Variants in TBC1D19 observed in about 807,000 individuals in gnomAD.
The protein encoded by TBC1D19 is TBC1 domain family member 19.
A neutral mutation model predicts 89.0 loss-of-function variants in TBC1D19; 60 were observed. The observed-to-expected ratio is 0.67, with a 90% CI of 0.55 to 0.84. TBC1D19 has a LOEUF of 0.84. TBC1D19 is among the 40% of genes least tolerant of loss of function. The pLI is 0.00. For synonymous variants in TBC1D19, 189 were observed against 199.7 expected (o/e 0.95, Z 0.45); for missense variants, 500 against 610.8 (o/e 0.82, Z 1.91).
chr4:26,744,907 A>G lies in TBC1D19; in HGVS notation c.1319+2308A>G, dbSNP rs367910361. On this transcript the variant is annotated intron_variant, in intron 18 of 20. Coordinates refer to ENST00000264866, the MANE Select transcript of TBC1D19 (RefSeq NM_018317.4). ...GTTAATAATGATGTTCAAACCTTGT[A>G]TACACTTACTAATTTTCTGTCTACT... 1.1e-4 allele frequency among the ~76,000 whole-genome samples: 16 copies of G among 152,294 alleles called. No individual in the cohort carries two copies. The East Asian group carries it at 2.3e-3, about 22-fold the overall frequency.
chr4:26,842,501 C>A, the TBC1D19 span, among the ~76,000 whole-genome samples: 4 of 151,540 alleles, frequency 2.6e-5, no homozygotes, highest in African/African-American at 9.7e-5. Context: ...CCACACCTGG[C>A]TTTCCTTCTC....
chr4:26,809,674 G>A, the TBC1D19 span, among the ~76,000 whole-genome samples: 7 of 152,230 alleles, frequency 4.6e-5, no homozygotes, highest in South Asian at 1.0e-3. Context: ...AGCTGAGACC[G>A]CTGGGCAATG....
In TBC1D19 at chr4:26,688,361, C is replaced by G; in HGVS notation, c.908C>G (p.Ala303Gly). Residue 303 changes from alanine to glycine, a missense_variant, in exon 13 of 21, where the codon GCA becomes GGA. Physicochemically the swap from Ala to Gly is moderately conservative, Grantham distance 60 (BLOSUM62 0). Coordinates refer to ENST00000264866, the MANE Select transcript of TBC1D19 (RefSeq NM_018317.4). ...SLIYKDVKLT[A>G]SNDDYYFVFE... ...TAATTATAGGATGTGAAGTTGACAGCAAGCAATGATGATTATTATTTTGTA... is the reference window on the plus strand; with the variant it reads ...TAATTATAGGATGTGAAGTTGACAGGAAGCAATGATGATTATTATTTTGTA... 1 of 1,569,736 alleles carries G rather than the reference C, an allele frequency of 6.4e-7. No individual in the cohort carries two copies. The highest frequency in any genetic ancestry group is 8.7e-7 in the Non-Finnish European group (1 of 1,153,144).
intron 15 of TBC1D19, among the ~76,000 whole-genome samples, chr4:26,735,015 T>C (rs536652250): frequency 7.2e-5 from 10 of 139,174 alleles, no homozygotes; most frequent in African/African-American, 2.3e-4. Context: ...TATGTATATG[T>C]GTATACACAT....
chr4:26,666,805 C>T (rs981911695), intron 9 of TBC1D19, among the ~76,000 whole-genome samples: 2 of 151,860 alleles, frequency 1.3e-5, no homozygotes, highest in Non-Finnish European at 1.5e-5. Context: ...CTTAATAATC[C>T]AAGCAGTTTT....
intron 7 of TBC1D19, among the ~76,000 whole-genome samples, chr4:26,642,771 A>T (rs1743635995): frequency 6.6e-6 from 1 of 152,150 alleles, no homozygotes; most frequent in South Asian, 2.1e-4. Context: ...AAAGAGCAGG[A>T]GTTACAATCC....
chr4:26,645,141 T>C (rs1306604664), intron 7 of TBC1D19, among the ~76,000 whole-genome samples: 1 of 152,178 alleles, frequency 6.6e-6, no homozygotes, highest in Non-Finnish European at 1.5e-5. Context: ...CTTCACAGAA[T>C]TGGAAAAAAC....
At chr4:26,738,922 C>T (rs1718191843) in intron 16 of TBC1D19, among the ~76,000 whole-genome samples, 1 of 152,132 alleles carries the variant, frequency 6.6e-6, no homozygotes, top group African/African-American at 2.4e-5. Flanking sequence ...GCTTATTGCC[C>T]TCAGAGCATT....
chr4:26,648,315 C>T (rs1343022091), intron 7 of TBC1D19, among the ~76,000 whole-genome samples: 1 of 152,168 alleles, frequency 6.6e-6, no homozygotes, highest in Non-Finnish European at 1.5e-5. Flanking sequence ...ATGCAAACCA[C>T]CAATCTACAT....
chr4:26,646,306 CA>C (rs1743943002), intron 7 of TBC1D19, among the ~76,000 whole-genome samples: 2 of 152,114 alleles, frequency 1.3e-5, no homozygotes. Flanking sequence ...ACTAAAAAGT[CA>C]GGAAACAACA....
intron 4 of TBC1D19, among the ~76,000 whole-genome samples, chr4:26,631,500 C>G (rs1030892922): frequency 6.6e-6 from 1 of 152,008 alleles, no homozygotes; most frequent in Non-Finnish European, 1.5e-5. Flanking sequence ...CATTTAAAAA[C>G]TCAGATAATA....
chr4:26,709,791 G>C (rs910441657), intron 13 of TBC1D19, among the ~76,000 whole-genome samples: 1 of 151,952 alleles, frequency 6.6e-6, no homozygotes, highest in African/African-American at 2.4e-5. Flanking sequence ...TTTTTGTCTA[G>C]GTGGGGAAAC....
chr4:26,799,870 A>G, the TBC1D19 span, among the ~76,000 whole-genome samples: 1 of 152,224 alleles, frequency 6.6e-6, no homozygotes, highest in Non-Finnish European at 1.5e-5. Flanking sequence ...GGTAAACACT[A>G]GCTTGGGGAG....
the TBC1D19 span, among the ~76,000 whole-genome samples, chr4:26,792,441 T>C: frequency 2.6e-5 from 4 of 152,238 alleles, no homozygotes; most frequent in East Asian, 7.7e-4. Flanking sequence ...GAAATGGCAA[T>C]GGCAAATTTA....
At chr4:26,800,511 G>A in the TBC1D19 span, among the ~76,000 whole-genome samples, 1 of 152,150 alleles carries the variant, frequency 6.6e-6, no homozygotes, top group Admixed American at 6.5e-5. Flanking sequence ...AATCCTTTGG[G>A]TATATACCCA....
the TBC1D19 span, among the ~76,000 whole-genome samples, chr4:26,782,747 A>G: frequency 2.6e-5 from 4 of 151,594 alleles, no homozygotes; most frequent in Non-Finnish European, 5.9e-5. Context: ...CTTTTTTTTT[A>G]ATAAAACAAA....
intron 13 of TBC1D19, among the ~76,000 whole-genome samples, chr4:26,716,112 C>G (rs1716589391): frequency 6.6e-6 from 1 of 152,078 alleles, no homozygotes; most frequent in African/African-American, 2.4e-5. Flanking sequence ...ATGTAATTAT[C>G]TATCATATTT....
At chr4:26,579,612 T>C (rs1368535350), upstream of TBC1D19, among the ~76,000 whole-genome samples, 1 of 152,058 alleles carries the variant, frequency 6.6e-6, no homozygotes, top group African/African-American at 2.4e-5. Context: ...CATCTACGTT[T>C]TAAGCCCCGC....
At chr4:26,584,455 A>C (rs1739291358) in intron 1 of TBC1D19, among the ~76,000 whole-genome samples, 163 bp downstream of exon 1, 1 of 149,020 alleles carries the variant, frequency 6.7e-6, no homozygotes, top group African/African-American at 2.5e-5. Context: ...AAAAACAAAA[A>C]CAAAACAAAA....
Sources: gnomAD v4.1 joint callset for allele counts (sites outside exome capture counted in the v4.1 genomes callset) on GRCh38, gnomAD v4.1.1 for gene constraint, MANE v1.5 for transcripts, NCBI Gene and HGNC (gene_info 2026-07-23, HGNC 2026-07-21) for gene names.